Variants in MKLN1 observed in about 807,000 individuals in gnomAD.
MKLN1 encodes muskelin 1.
A neutral mutation model predicts 99.0 loss-of-function variants in MKLN1; 18 were observed. The ratio of observed to expected loss-of-function variants is 0.18; its 90% CI spans 0.13 to 0.27. The LOEUF is 0.27. Ranked by LOEUF, MKLN1 falls within the 10% of genes least tolerant of loss-of-function variation. The pLI is 1.00. For missense variants in MKLN1, 621 were observed against 875.9 expected (o/e 0.71, Z 3.67); for synonymous variants, 288 against 293.2 (o/e 0.98, Z 0.18).
At chr7:131,214,257 G>A (rs1170826710) in intron 3 of MKLN1, among the ~76,000 whole-genome samples, 1 of 152,064 alleles carries the variant, frequency 6.6e-6, no homozygotes, top group East Asian at 1.9e-4. Context: ...CATAGTCTAA[G>A]CCCGTCATAG....
intron 2 of MKLN1, among the ~76,000 whole-genome samples, chr7:131,376,095 A>AATATATATATATATATATATATATAT (rs60323728): frequency 1.9e-5 from 2 of 108,062 alleles, no homozygotes; most frequent in Non-Finnish European, 3.8e-5. Context: ...AATTCATGGA[A>AATATATATATATATATATATATATAT]ATATATATAT....
intron 1 of MKLN1, among the ~76,000 whole-genome samples, chr7:131,339,935 A>T (rs951023603): frequency 7.9e-5 from 12 of 151,958 alleles, no homozygotes; most frequent in African/African-American, 2.9e-4. Context: ...ACTAATATTT[A>T]TTATGGCCAG....
chr7:131,143,065 C>T, intron 2 of MKLN1: 1 of 537,412 alleles, frequency 1.9e-6, no homozygotes. Flanking sequence ...GGAGTCCTCA[C>T]TAGTCTAGTT....
chr7:131,317,928 C>A (rs1798701687), intron 3 of MKLN1, among the ~76,000 whole-genome samples: 1 of 152,088 alleles, frequency 6.6e-6, no homozygotes, highest in African/African-American at 2.4e-5. Flanking sequence ...AATATATATG[C>A]ACCCAATACA....
At chr7:131,349,664 A>G (rs1799662664) in intron 1 of MKLN1, among the ~76,000 whole-genome samples, 1 of 152,226 alleles carries the variant, frequency 6.6e-6, no homozygotes, top group Admixed American at 6.5e-5. Flanking sequence ...GGGTCATTTA[A>G]TTTCTGAAAA....
intron 15 of MKLN1, among the ~76,000 whole-genome samples, chr7:131,470,403 A>G (rs565938517): frequency 6.6e-4 from 100 of 152,352 alleles, no homozygotes; most frequent in Non-Finnish European, 1.2e-3. Flanking sequence ...TCAGTTTCCA[A>G]GGTATCTGTT....
At chr7:131,175,224 G>C (rs1017783765) in intron 2 of MKLN1, among the ~76,000 whole-genome samples, 26 of 151,970 alleles carry the variant, frequency 1.7e-4, no homozygotes, top group African/African-American at 6.3e-4. Context: ...TGGATAGAGA[G>C]AGAGAGATAG....
chr7:131,221,784 G>A (rs1287718745), intron 3 of MKLN1, among the ~76,000 whole-genome samples: 1 of 151,508 alleles, frequency 6.6e-6, no homozygotes, highest in Non-Finnish European at 1.5e-5. Flanking sequence ...GCCTCCCGAA[G>A]TGCTGGGATT....
chr7:131,218,552 A>G (rs1797017019), intron 3 of MKLN1, among the ~76,000 whole-genome samples: 1 of 152,256 alleles, frequency 6.6e-6, no homozygotes, highest in Admixed American at 6.5e-5. Context: ...GGTTAAAACA[A>G]GATGTAGTTA....
At chr7:131,195,731 T>A (rs4731762) in intron 2 of MKLN1, among the ~76,000 whole-genome samples, 17,390 of 151,658 alleles carry the variant, frequency 0.11, 1,344 homozygotes, top group South Asian at 0.29. Flanking sequence ...GGTGGGCGGA[T>A]CATGAGGTCA....
intron 3 of MKLN1, among the ~76,000 whole-genome samples, chr7:131,247,244 T>C (rs75718742): frequency 2.0e-5 from 3 of 150,454 alleles, no homozygotes; most frequent in Non-Finnish European, 4.4e-5. Context: ...TCTTTTTTTT[T>C]TTTTTGTCAC....
At chr7:131,411,647 C>G (rs1211783746) in intron 7 of MKLN1, among the ~76,000 whole-genome samples, 1 of 151,958 alleles carries the variant, frequency 6.6e-6, no homozygotes, top group Non-Finnish European at 1.5e-5. Context: ...TGGCTCACAC[C>G]TATAATCCCA....
chr7:131,381,313 C>G (rs1333370956), intron 2 of MKLN1, among the ~76,000 whole-genome samples: 1 of 152,140 alleles, frequency 6.6e-6, no homozygotes, highest in Non-Finnish European at 1.5e-5. Context: ...ACATGTTTTC[C>G]ATGACAGTAT....
At chr7:131,407,637 C>G (rs538085216) in intron 6 of MKLN1, among the ~76,000 whole-genome samples, 74 of 150,340 alleles carry the variant, frequency 4.9e-4, no homozygotes, top group African/African-American at 1.7e-3. Flanking sequence ...ATGCAAAAAT[C>G]TCACTTTTTT....
chr7:131,295,547 G>A (rs11763503), intron 3 of MKLN1, among the ~76,000 whole-genome samples: 11 of 149,336 alleles, frequency 7.4e-5, no homozygotes, highest in Non-Finnish European at 7.4e-5. Flanking sequence ...AGGGAAAAAA[G>A]AAAAAAAAAG....
At chr7:131,274,083 G>T (rs1410091471) in intron 3 of MKLN1, among the ~76,000 whole-genome samples, 1 of 152,120 alleles carries the variant, frequency 6.6e-6, no homozygotes, top group Non-Finnish European at 1.5e-5. Context: ...GCTGAGGTCA[G>T]GCTCAGAGAA....
chr7:131,449,570 G>A (rs1796119391), intron 12 of MKLN1, among the ~76,000 whole-genome samples: 1 of 152,112 alleles, frequency 6.6e-6, no homozygotes, highest in Non-Finnish European at 1.5e-5. Flanking sequence ...TAAAACTGTT[G>A]CAGTTATACT....
chr7:131,288,396 A>G lies in MKLN1; in HGVS notation c.-179+85422A>G, dbSNP rs969691003. Among the ~76,000 whole-genome samples, 3 of 152,136 alleles carry G rather than the reference A, an allele frequency of 2.0e-5. No individual in the cohort carries two copies. In the South Asian group the frequency reaches 6.2e-4, roughly 31 times the overall value. On this transcript the variant is annotated intron_variant, in intron 3 of 7. Coordinates refer to the MKLN1 transcript ENST00000416992. ...ACCTTGGGTGCCTCAGTATCCGCTT[A>G]AGTTCCCACCACCCTCCCTACATCC...
At chr7:131,250,768 G>A (rs998144538) in intron 3 of MKLN1, among the ~76,000 whole-genome samples, 3 of 152,134 alleles carry the variant, frequency 2.0e-5, no homozygotes, top group African/African-American at 4.8e-5. Flanking sequence ...TTTTAGGTAC[G>A]ACTTGATGAG....
Sources: allele counts gnomAD v4.1 joint callset (sites outside exome capture counted in the v4.1 genomes callset), GRCh38; gene constraint gnomAD v4.1.1; transcripts MANE v1.5; gene names NCBI Gene and HGNC (gene_info 2026-07-23, HGNC 2026-07-21).